Variants in SEPTIN10 observed in about 807,000 individuals in gnomAD.
The protein encoded by SEPTIN10 is septin 10.
A neutral mutation model predicts 54.8 loss-of-function variants in SEPTIN10; 66 were observed. That is an observed-to-expected ratio of 1.21 (90% CI 0.99 to 1.48). SEPTIN10 has a LOEUF of 1.48. Ranked by LOEUF, SEPTIN10 falls within the 40% of genes most tolerant of loss-of-function variation. SEPTIN10 has a pLI of 0.00. For missense variants in SEPTIN10, 620 were observed against 545.6 expected, an observed-to-expected ratio of 1.14 and a Z score of -1.36; for synonymous variants, 161 against 181.0, an observed-to-expected ratio of 0.89 and a Z score of 0.89.
intron 4 of SEPTIN10, among the ~76,000 whole-genome samples, 186 bp from the exon 5 acceptor site, chr2:109,574,953 C>T (rs1689332019): frequency 6.6e-6 from 1 of 152,192 alleles, no homozygotes. Flanking sequence ...AAATGCTTCT[C>T]AACTTACAAT....
At chr2:109,613,754 G>A (rs1235672295) in intron 1 of SEPTIN10, 44 bp downstream of exon 1, 1 of 1,178,252 alleles carries the variant, frequency 8.5e-7, no homozygotes, top group Non-Finnish European at 1.1e-6. Context: ...TCCCGCGGGG[G>A]CCGGGGAGCG....
At chr2:109,595,860 C>T (rs1426559990) in intron 1 of SEPTIN10, among the ~76,000 whole-genome samples, 1 of 152,156 alleles carries the variant, frequency 6.6e-6, no homozygotes, top group Admixed American at 6.6e-5. Flanking sequence ...CAGAGCTCTG[C>T]ATTAGACACA....
In SEPTIN10 at chr2:109,544,119, G is replaced by T; in HGVS notation, c.*190C>A. 1.3e-6 allele frequency: 2 copies of T among 1,515,996 alleles called. No homozygotes were observed. The highest frequency in any genetic ancestry group is 1.8e-6 in the Non-Finnish European group (2 of 1,132,162). The allele number at this position is 1,515,996 out of a possible 1,614,324, so 93.9% of individuals were successfully genotyped here. On this transcript the variant is annotated 3_prime_UTR_variant, in exon 11 of 11. Transcript: ENST00000397712. ...TTGAATTAGAGATGCTCAACTTGTA[G>T]TATCATTCACTCTGGCTTATGTATT...
intron 2 of SEPTIN10, among the ~76,000 whole-genome samples, chr2:109,587,932 A>G (rs72824800): frequency 0.084 from 12,713 of 151,574 alleles, 541 homozygotes; most frequent in Non-Finnish European, 0.093. Flanking sequence ...AAACAAAAAC[A>G]AACACACACA....
chr2:109,607,894 A>G (rs1698367950), intron 1 of SEPTIN10, among the ~76,000 whole-genome samples: 1 of 152,178 alleles, frequency 6.6e-6, no homozygotes, highest in African/African-American at 2.4e-5. Context: ...CTTTTATAAG[A>G]CGACAAAAGG....
chr2:109,595,277 T>C (rs1413145004), intron 1 of SEPTIN10, among the ~76,000 whole-genome samples: 1 of 152,160 alleles, frequency 6.6e-6, no homozygotes, highest in Non-Finnish European at 1.5e-5. Flanking sequence ...AAAAGCTCAG[T>C]GAGGGACACA....
Position 109,594,120 on chromosome 2 carries a change from T to C in SEPTIN10, c.31-1001A>G, listed in dbSNP as rs143470174. 6.3e-3 allele frequency among the ~76,000 whole-genome samples: 953 copies of C among 152,274 alleles called. 11 individuals carry two copies. Among genetic ancestry groups the C allele is most frequent in the African/African-American group, 0.022 (898 of 41,546 alleles). On this transcript the variant is annotated intron_variant, in intron 1 of 10. Coordinates refer to ENST00000397712, the MANE Select transcript of SEPTIN10 (RefSeq NM_144710.5). ...TGCCTCAAGTTGTAAACCAAATGGA[T>C]ATTCACTGTTCGCAACAGTAGAGAA...
At chr2:109,545,505 CATCA>C in intron 10 of SEPTIN10, 1 of 1,536,134 alleles carries the variant, frequency 6.5e-7, no homozygotes, top group Non-Finnish European at 8.7e-7. Flanking sequence ...CAAGCTCTGA[CATCA>C]ATGCACAGGA....
At chr2:109,566,476 G>A (rs1008563673) in intron 6 of SEPTIN10, among the ~76,000 whole-genome samples, 1 of 152,066 alleles carries the variant, frequency 6.6e-6, no homozygotes, top group African/African-American at 2.4e-5. Flanking sequence ...CAAAGATAAT[G>A]TTGAGGAAAT....
At chr2:109,551,986 A>T (rs964409053) in intron 9 of SEPTIN10, among the ~76,000 whole-genome samples, 1 of 152,208 alleles carries the variant, frequency 6.6e-6, no homozygotes, top group African/African-American at 2.4e-5. Flanking sequence ...GCCTGTTAGG[A>T]ACTGGGCTAC....
intron 9 of SEPTIN10, among the ~76,000 whole-genome samples, chr2:109,546,598 G>T (rs1037924168): frequency 5.3e-5 from 8 of 150,678 alleles, no homozygotes; most frequent in Non-Finnish European, 1.2e-4. Flanking sequence ...AGTATAGAAA[G>T]AAATTACCAG....
intron 2 of SEPTIN10, among the ~76,000 whole-genome samples, chr2:109,588,870 C>T (rs34517320): frequency 0.15 from 19,031 of 125,606 alleles, 1,730 homozygotes; most frequent in African/African-American, 0.29. Flanking sequence ...AAAAAAAAAG[C>T]GAAAGAGGTA....
intron 8 of SEPTIN10, among the ~76,000 whole-genome samples, chr2:109,560,253 G>A (rs1685356114): frequency 6.6e-6 from 1 of 152,084 alleles, no homozygotes; most frequent in African/African-American, 2.4e-5. Flanking sequence ...AACACAAAGT[G>A]GTCTTCATTA....
In SEPTIN10 at chr2:109,608,009, T is replaced by C. The variant is rs181779950; in HGVS notation, c.30+5789A>G. Among the ~76,000 whole-genome samples, 8 of 152,354 alleles carry C rather than the reference T, an allele frequency of 5.3e-5. No individual in the cohort carries two copies. The East Asian group carries it at 1.5e-3, about 29-fold the overall frequency. Reference sequence around the variant, plus strand: ...TGTCTGTTTCTGAAGCCGTGACTCATTCAGATTGAGCAGAACTAGCTACTA... The same window carrying C: ...TGTCTGTTTCTGAAGCCGTGACTCACTCAGATTGAGCAGAACTAGCTACTA... On this transcript the variant is annotated intron_variant, in intron 1 of 10. Transcript: ENST00000397712.
At chr2:109,595,189 C>G (rs1449324880) in intron 1 of SEPTIN10, among the ~76,000 whole-genome samples, 1 of 152,104 alleles carries the variant, frequency 6.6e-6, no homozygotes, top group African/African-American at 2.4e-5. Flanking sequence ...GCCCAGCCAA[C>G]AGTGTTTTCA....
At chr2:109,596,973 T>TGG (rs1371764797) in intron 1 of SEPTIN10, among the ~76,000 whole-genome samples, 2 of 152,246 alleles carry the variant, frequency 1.3e-5, no homozygotes, top group African/African-American at 4.8e-5. Flanking sequence ...AAACAGGTTC[T>TGG]GGCTCTGTCA....
intron 10 of SEPTIN10, 169 bp from the exon 11 acceptor site, chr2:109,544,493 A>G: frequency 2.0e-6 from 2 of 985,382 alleles, no homozygotes; most frequent in African/African-American, 3.5e-5. Context: ...ATTCTTCTAG[A>G]GAGCTCTCAA....
intron 8 of SEPTIN10, 131 bp from the exon 9 acceptor site, chr2:109,553,350 G>A (rs1683511442): frequency 1.3e-6 from 1 of 797,320 alleles, no homozygotes; most frequent in Non-Finnish European, 2.0e-6. Context: ...TCCAAGACCA[G>A]CCTGGCCAAC....
At chr2:109,607,781 A>G (rs1698335388) in intron 1 of SEPTIN10, among the ~76,000 whole-genome samples, 1 of 151,970 alleles carries the variant, frequency 6.6e-6, no homozygotes, top group Non-Finnish European at 1.5e-5. Context: ...AAAACTACCT[A>G]CCTGTGTTCA....
Sources: allele counts gnomAD v4.1 joint callset (sites outside exome capture counted in the v4.1 genomes callset), GRCh38; gene constraint gnomAD v4.1.1; transcripts MANE v1.5; gene names NCBI Gene and HGNC (gene_info 2026-07-23, HGNC 2026-07-21).